Variants in GRIN2B observed in about 807,000 individuals in gnomAD.
GRIN2B encodes the protein glutamate receptor ionotropic, NMDA 2B.
In GRIN2B, 5 loss-of-function variants were observed where a neutral mutation model predicts 114.5. The observed-to-expected ratio is 0.04, with a 90% CI of 0.02 to 0.09. The LOEUF (loss-of-function observed/expected upper bound fraction) is 0.09, where lower values mean the gene tolerates loss of function less well. Ranked by LOEUF, GRIN2B falls within the 10% of genes least tolerant of loss-of-function variation. The pLI, the probability that GRIN2B is intolerant of heterozygous loss-of-function variation, is 1.00. For missense variants in GRIN2B, 1,108 were observed against 1,943.5 expected (o/e 0.57, Z 8.08); for synonymous variants, 787 against 745.1 (o/e 1.06, Z -0.92).
intron 10 of GRIN2B, among the ~76,000 whole-genome samples, chr12:13,578,046 A>G (rs1349299981): frequency 6.6e-6 from 1 of 152,252 alleles, no homozygotes; most frequent in East Asian, 1.9e-4. Flanking sequence ...ATTATAAAGA[A>G]GAGAGGCAAA....
intron 4 of GRIN2B, among the ~76,000 whole-genome samples, chr12:13,730,875 T>A (rs1863076423): frequency 6.6e-6 from 1 of 152,166 alleles, no homozygotes; most frequent in Non-Finnish European, 1.5e-5. Flanking sequence ...CTCTACCACA[T>A]TTGACATGAC....
chr12:13,662,613 C>T (rs1949935478), intron 5 of GRIN2B, among the ~76,000 whole-genome samples: 1 of 152,116 alleles, frequency 6.6e-6, no homozygotes, highest in Admixed American at 6.6e-5. Context: ...AGGAAGGGAA[C>T]TTGTTGGTCT....
chr12:13,771,739 A>T (rs1013880907), intron 3 of GRIN2B, among the ~76,000 whole-genome samples: 1 of 152,258 alleles, frequency 6.6e-6, no homozygotes, highest in Non-Finnish European at 1.5e-5. Flanking sequence ...TATTATAGCC[A>T]AGAATATACG....
chr12:13,601,325 T>A (rs573025372), intron 10 of GRIN2B, among the ~76,000 whole-genome samples: 1 of 152,276 alleles, frequency 6.6e-6, no homozygotes, highest in Admixed American at 6.5e-5. Flanking sequence ...CTCCATGTCT[T>A]CCTGTGGCTG....
chr12:13,736,140 G>GGT (rs1450079261), intron 4 of GRIN2B, among the ~76,000 whole-genome samples: 1 of 26,746 alleles, frequency 3.7e-5, no homozygotes, highest in Non-Finnish European at 8.8e-5. Flanking sequence ...AAAAGCGGGG[G>GGT]GGGGGGGGGG....
intron 11 of GRIN2B, among the ~76,000 whole-genome samples, chr12:13,571,198 C>A (rs1948704073): frequency 6.6e-6 from 1 of 152,152 alleles, no homozygotes; most frequent in Non-Finnish European, 1.5e-5. Context: ...ATCTATAATG[C>A]TCTGTTATCC....
At chr12:13,834,703 C>A (rs1865223748) in intron 3 of GRIN2B, among the ~76,000 whole-genome samples, 1 of 152,190 alleles carries the variant, frequency 6.6e-6, no homozygotes, top group Non-Finnish European at 1.5e-5. Flanking sequence ...GAATTTTGTG[C>A]CTTTTGTCCA....
chr12:13,725,585 A>C lies in GRIN2B; in HGVS notation c.1010+27732T>G, dbSNP rs1862971117. On this transcript the variant is annotated intron_variant, in intron 4 of 13. Coordinates refer to ENST00000609686, the MANE Select transcript of GRIN2B (RefSeq NM_000834.5). ...TGATCAAGAATGAGGGAAACCAAGC[A>C]GATCGGATACACAGACTCTTTACAC... 2.0e-5 allele frequency among the ~76,000 whole-genome samples: 3 copies of C among 152,268 alleles called. No individual in the cohort carries two copies. In the South Asian group the frequency reaches 6.2e-4, roughly 32 times the overall value.
chr12:13,801,492 G>A (rs970502442), intron 3 of GRIN2B, among the ~76,000 whole-genome samples: 5 of 152,266 alleles, frequency 3.3e-5, no homozygotes, highest in African/African-American at 1.2e-4. Flanking sequence ...GAGAAGGACA[G>A]AGAAACTTGT....
chr12:13,712,276 G>A (rs1190253379), intron 4 of GRIN2B, among the ~76,000 whole-genome samples: 1 of 151,942 alleles, frequency 6.6e-6, no homozygotes, highest in East Asian at 1.9e-4. Context: ...TATACCTAAT[G>A]TTAAATGATG....
intron 5 of GRIN2B, among the ~76,000 whole-genome samples, chr12:13,621,003 T>G (rs1033612860): frequency 1.3e-5 from 2 of 151,862 alleles, no homozygotes; most frequent in African/African-American, 2.4e-5. Context: ...ACAGGGTTCA[T>G]GTTAAAGAAC....
intron 3 of GRIN2B, among the ~76,000 whole-genome samples, chr12:13,827,224 G>GTTTTTTT (rs759572450): frequency 2.9e-5 from 1 of 34,504 alleles, no homozygotes; most frequent in African/African-American, 1.2e-4. Flanking sequence ...CCTTATTGTT[G>GTTTTTTT]TTTTCTTTTT....
intron 3 of GRIN2B, among the ~76,000 whole-genome samples, chr12:13,795,805 C>G (rs918679710): frequency 3.3e-5 from 5 of 152,062 alleles, no homozygotes; most frequent in Non-Finnish European, 7.4e-5. Context: ...AGCTGGAAAC[C>G]ATCATTCTGA....
At chr12:13,612,662 T>G (rs1949381035) in intron 8 of GRIN2B, among the ~76,000 whole-genome samples, 2 of 152,210 alleles carry the variant, frequency 1.3e-5, no homozygotes, top group Admixed American at 1.3e-4. Context: ...TTTAATATCT[T>G]TAATCATGTG....
intron 4 of GRIN2B, among the ~76,000 whole-genome samples, chr12:13,717,862 C>T (rs1950470946): frequency 6.6e-6 from 1 of 152,124 alleles, no homozygotes; most frequent in Admixed American, 6.6e-5. Context: ...ACTGAGGTGG[C>T]TTCCCTTATA....
At position 13,888,151 on chromosome 12, in the gene GRIN2B, T is replaced by C. The variant is rs183962429; in HGVS notation, c.-18-21925A>G. Among the ~76,000 whole-genome samples, 5 of 152,238 alleles carry C rather than the reference T, an allele frequency of 3.3e-5. No individual in the cohort carries two copies. In the East Asian group the frequency reaches 9.6e-4, roughly 29 times the overall value. ...ATTTTGTTTAACCCAAAAAAATCAA[T>C]ATACGGCCATGTATTGCTTAACAAC... On this transcript the variant is annotated intron_variant, in intron 2 of 13. Transcript: ENST00000609686.
intron 3 of GRIN2B, among the ~76,000 whole-genome samples, chr12:13,780,885 T>C (rs1864099578): frequency 6.7e-6 from 1 of 150,098 alleles, no homozygotes; most frequent in Non-Finnish European, 1.5e-5. Context: ...TTAAGTGGCA[T>C]GGTTTATAAA....
intron 10 of GRIN2B, among the ~76,000 whole-genome samples, chr12:13,607,245 A>T (rs1184665079): frequency 2.6e-5 from 2 of 77,618 alleles, no homozygotes; most frequent in Non-Finnish European, 4.3e-5. Flanking sequence ...ATATTATATA[A>T]AAAATATATA....
At chr12:13,801,020 CTTTT>C (rs1299090793) in intron 3 of GRIN2B, among the ~76,000 whole-genome samples, 5 of 152,094 alleles carry the variant, frequency 3.3e-5, no homozygotes, top group African/African-American at 9.7e-5. Flanking sequence ...TCTTCTCTTT[CTTTT>C]GTTTCTGGTT....
Sources: gnomAD v4.1 joint callset for allele counts (sites outside exome capture counted in the v4.1 genomes callset) on GRCh38, gnomAD v4.1.1 for gene constraint, MANE v1.5 for transcripts, NCBI Gene and HGNC (gene_info 2026-07-23, HGNC 2026-07-21) for gene names.